Variants in HYDIN observed in about 807,000 individuals in gnomAD.
HYDIN encodes the protein axonemal central pair apparatus protein HYDIN.
A neutral mutation model predicts 403.9 loss-of-function variants in HYDIN; 132 were observed. That is an observed-to-expected ratio of 0.33 (90% CI 0.28 to 0.38). The LOEUF is 0.38. Among genes scored for constraint, HYDIN ranks in the 10% least tolerant of loss-of-function variants. The pLI, the probability that HYDIN is intolerant of heterozygous loss-of-function variation, is 1.00. For synonymous variants in HYDIN, 1,202 were observed against 1,891.7 expected (o/e 0.64, Z 9.46); for missense variants, 2,827 against 5,009.5 (o/e 0.56, Z 13.15).
chr16:70,977,162 C>T (rs1334225238), intron 30 of HYDIN, among the ~76,000 whole-genome samples: 12 of 148,996 alleles, frequency 8.1e-5, no homozygotes, highest in South Asian at 6.6e-4. Flanking sequence ...CACATCATTG[C>T]GTCCAGTGGG....
At chr16:71,089,394 C>T (rs2083037799) in intron 11 of HYDIN, among the ~76,000 whole-genome samples, 1 of 151,796 alleles carries the variant, frequency 6.6e-6, no homozygotes, top group Admixed American at 6.6e-5. Flanking sequence ...GTCCTTACAC[C>T]TAGAGGGTGA....
chr16:71,151,316 A>C (rs1459254610), intron 7 of HYDIN, among the ~76,000 whole-genome samples: 2 of 151,976 alleles, frequency 1.3e-5, no homozygotes, highest in Non-Finnish European at 2.9e-5. Context: ...ATGTGGAGCT[A>C]GGGCCACTTA....
chr16:70,818,746 T>C (rs574182897), intron 83 of HYDIN, among the ~76,000 whole-genome samples, 174 bp from the exon 84 acceptor site: 2,005 of 145,350 alleles, frequency 0.014, 61 homozygotes, highest in African/African-American at 0.051. Context: ...CCAGACTTTC[T>C]AGTTAGGGAT....
Position 70,978,992 on chromosome 16 carries a change from G to C in HYDIN, c.4560C>G (p.Asp1520Glu). ...GCATTTCACATTTGTTATACTCTTT[G>C]TCTGTGTTTTTCCTGGCTTGATTCA... ...MFLNQARKNT[D>E]KEYNKCEMLD... is the part of the protein sequence containing the mutation. The change falls in exon 30 of 86, where the codon GAC becomes GAG. Residue 1520 changes from aspartate to glutamate, a missense_variant. Asp to Glu is a conservative substitution (Grantham distance 45). Coordinates refer to ENST00000393567, the MANE Select transcript of HYDIN (RefSeq NM_001270974.2). 6.2e-7 allele frequency: 1 copy of C among 1,613,630 alleles called. No individual in the cohort carries two copies. The highest frequency in any genetic ancestry group is 8.5e-7 in the Non-Finnish European group (1 of 1,179,992).
chr16:71,141,264 G>T (rs1339699027), intron 7 of HYDIN, among the ~76,000 whole-genome samples: 4 of 149,886 alleles, frequency 2.7e-5, no homozygotes, highest in Non-Finnish European at 5.9e-5. Context: ...AAAAAGTATT[G>T]TTAGGACAAC....
chr16:70,901,129 G>T lies in HYDIN; in HGVS notation c.8923C>A (p.His2975Asn), dbSNP rs1393372868. 1.1e-6 allele frequency: 1 copy of T among 894,892 alleles called. No homozygotes were observed. The highest frequency in any genetic ancestry group is 1.8e-6 in the Non-Finnish European group (1 of 561,192). 55.4% of individuals were successfully genotyped at this position (894,892 alleles called of 1,614,324 possible). ...PVAWRITSLE[H>N]LGDDFTVSLM... ...GATACAGTGAAATCATCACCCAAGTGCTCCAGGCTGGTGATCCGCCAGGCC... is the reference window on the plus strand; with the variant it reads ...GATACAGTGAAATCATCACCCAAGTTCTCCAGGCTGGTGATCCGCCAGGCC... The change falls in exon 53 of 86, where the codon CAC (histidine) becomes AAC (asparagine). Residue 2975 changes from histidine to asparagine, a missense_variant. Coordinates refer to ENST00000393567, the MANE Select transcript of HYDIN (RefSeq NM_001270974.2).
chr16:70,957,226 C>T (rs1230563739), intron 39 of HYDIN, among the ~76,000 whole-genome samples: 3 of 151,410 alleles, frequency 2.0e-5, no homozygotes, highest in African/African-American at 4.9e-5. Flanking sequence ...CTCATCTAAG[C>T]GGAGTCATAC....
At chr16:70,855,742 T>TA (rs1352236124) in intron 72 of HYDIN, among the ~76,000 whole-genome samples, 1 of 152,294 alleles carries the variant, frequency 6.6e-6, no homozygotes, top group Non-Finnish European at 1.5e-5. Flanking sequence ...ACTATCATCT[T>TA]ACGCTTTCCT....
chr16:70,905,068 G>A (rs567294370), intron 50 of HYDIN, among the ~76,000 whole-genome samples: 166 of 152,138 alleles, frequency 1.1e-3, no homozygotes, highest in Non-Finnish European at 2.0e-3. Context: ...AGAGGTCACG[G>A]CACAGGCTAG....
At chr16:71,220,572 C>T (rs903545752) in intron 1 of HYDIN, among the ~76,000 whole-genome samples, 4 of 152,198 alleles carry the variant, frequency 2.6e-5, no homozygotes, top group Admixed American at 6.5e-5. Context: ...CTGGCATTTG[C>T]TAAACCTGAA....
intron 12 of HYDIN, among the ~76,000 whole-genome samples, chr16:71,086,539 T>C (rs377246084): frequency 4.6e-5 from 7 of 151,254 alleles, no homozygotes; most frequent in African/African-American, 1.7e-4. Flanking sequence ...AAAGTAAAAC[T>C]GCTCCTTTAA....
At chr16:70,902,463 A>C (rs1305142717) in intron 52 of HYDIN, among the ~76,000 whole-genome samples, 2 of 150,330 alleles carry the variant, frequency 1.3e-5, no homozygotes, top group Non-Finnish European at 2.9e-5. Flanking sequence ...AAAATACAAA[A>C]AGTTAGCTGG....
intron 78 of HYDIN, among the ~76,000 whole-genome samples, chr16:70,834,483 TAACA>T (rs1000595547): frequency 3.9e-5 from 6 of 152,088 alleles, no homozygotes; most frequent in African/African-American, 9.7e-5. Context: ...TAATGGGAAA[TAACA>T]AACAGTTAGA....
intron 45 of HYDIN, among the ~76,000 whole-genome samples, chr16:70,921,907 C>T (rs1385275480): frequency 6.6e-6 from 1 of 152,212 alleles, no homozygotes; most frequent in Non-Finnish European, 1.5e-5. Context: ...TTTCTTACTG[C>T]ACTTTTAAAC....
At chr16:71,015,615 C>T (rs1377116665) in intron 23 of HYDIN, among the ~76,000 whole-genome samples, 3 of 151,928 alleles carry the variant, frequency 2.0e-5, no homozygotes, top group South Asian at 2.1e-4. Context: ...AATGCTCAGG[C>T]CCAGGACCGG....
Position 70,908,787 on chromosome 16 carries a change from C to A in HYDIN, c.8079G>T (p.Glu2693Asp), listed in dbSNP as rs371638619. 1 of 1,614,122 alleles carries A rather than the reference C, an allele frequency of 6.2e-7. No homozygotes were observed. The highest frequency in any genetic ancestry group is 8.5e-7 in the Non-Finnish European group (1 of 1,180,058). The change falls in exon 48 of 86, where the codon GAG becomes GAT. Residue 2693 changes from glutamate (E) to aspartate (D), a missense_variant. By Grantham distance (45) the Glu-to-Asp change is conservative (BLOSUM62 2). Transcript: ENST00000393567. ...KMKEKIDQVF[E>D]IQKDKRHMAL... ...CCATGTGACGCTTGTCTTTCTGAATCTCGAAGACTTGGTCTATCTTTTCTT... is the reference window on the plus strand; with the variant it reads ...CCATGTGACGCTTGTCTTTCTGAATATCGAAGACTTGGTCTATCTTTTCTT...
intron 23 of HYDIN, among the ~76,000 whole-genome samples, chr16:70,995,023 T>G (rs2079483043): frequency 6.6e-6 from 1 of 151,592 alleles, no homozygotes; most frequent in Non-Finnish European, 1.5e-5. Context: ...AACACCTCAG[T>G]TGACAATGCT....
At chr16:70,921,815 G>T (rs540487418) in intron 45 of HYDIN, among the ~76,000 whole-genome samples, 29 of 152,318 alleles carry the variant, frequency 1.9e-4, no homozygotes, top group Admixed American at 1.5e-3. Context: ...ACAAATGGGG[G>T]TTTAGAATTT....
intron 45 of HYDIN, among the ~76,000 whole-genome samples, chr16:70,926,960 T>C (rs1478507932): frequency 6.6e-6 from 1 of 152,010 alleles, no homozygotes; most frequent in Non-Finnish European, 1.5e-5. Context: ...CAAAAGTATG[T>C]AGAACATAGA....
Sources: gnomAD v4.1 joint callset for allele counts (sites outside exome capture counted in the v4.1 genomes callset) on GRCh38, gnomAD v4.1.1 for gene constraint, MANE v1.5 for transcripts, NCBI Gene and HGNC (gene_info 2026-07-23, HGNC 2026-07-21) for gene names.